FAAH2: variants seen among roughly 807,000 people sequenced by gnomAD.
FAAH2 encodes the protein fatty-acid amide hydrolase 2.
FAAH2 carries 60 observed loss-of-function variants against 36.9 expected under a neutral mutation model. The ratio of observed to expected loss-of-function variants is 1.63; its 90% CI spans 1.32 to 2.02. The LOEUF (loss-of-function observed/expected upper bound fraction) is 2.02, where lower values mean the gene tolerates loss of function less well. Among genes scored for constraint, FAAH2 ranks in the 30% most tolerant of loss-of-function variants. The probability of loss-of-function intolerance (pLI) is 0.00; values close to 1 mark genes in which losing one functional copy is unlikely to be tolerated. For synonymous variants in FAAH2, 214 were observed against 143.8 expected, an observed-to-expected ratio of 1.49 and a Z score of -3.49; for missense variants, 689 against 397.5, an observed-to-expected ratio of 1.73 and a Z score of -6.23.
In FAAH2 at chrX:57,448,617, A is replaced by G; in HGVS notation, c.1322A>G (p.Asp441Gly). The G allele has an allele frequency of 5.8e-6, 7 of 1,211,521 alleles. No homozygotes were observed. The highest frequency in any genetic ancestry group is 7.8e-6 in the Non-Finnish European group (7 of 895,277). ...GAAAGCCTGCGTAAAGAGCTGGTGG[A>G]TATGCTAGGTGATGATGGTGTGTTC... ...VEESLRKELV[D>G]MLGDDGVFLY... Residue 441 changes from aspartate (D) to glycine (G), a missense_variant, in exon 10 of 11, where the codon GAT (aspartate) becomes GGT (glycine). Physicochemically the swap from Asp to Gly is moderately conservative, Grantham distance 94 (BLOSUM62 -1). Coordinates refer to ENST00000374900, the MANE Select transcript of FAAH2 (RefSeq NM_174912.4).
At chrX:57,165,142 T>G in the FAAH2 span, among the ~76,000 whole-genome samples, 1 of 112,503 alleles carries the variant, frequency 8.9e-6, no homozygotes, top group African/African-American at 3.2e-5. Flanking sequence ...CGATTCCTCA[T>G]GGATCTAGAA....
At chrX:57,215,196 CAACA>C in the FAAH2 span, among the ~76,000 whole-genome samples, 1 of 109,173 alleles carries the variant, frequency 9.2e-6, no homozygotes, top group Admixed American at 9.7e-5. Flanking sequence ...TTTATGTGAC[CAACA>C]AACATATGAA....
chrX:57,295,501 C>A (rs1004249341), intron 2 of FAAH2, among the ~76,000 whole-genome samples: 1 of 112,035 alleles, frequency 8.9e-6, no homozygotes, highest in African/African-American at 3.2e-5. Flanking sequence ...CGAATAGGAA[C>A]AACTCCAGTC....
chrX:57,482,557 C>T (rs2057398789), intron 10 of FAAH2, among the ~76,000 whole-genome samples: 1 of 110,186 alleles, frequency 9.1e-6, no homozygotes, highest in Admixed American at 9.8e-5. Context: ...GCTCACCCTC[C>T]TGTGGGTTGG....
chrX:57,443,665 A>G (rs1033119859), intron 8 of FAAH2, among the ~76,000 whole-genome samples: 3 of 112,053 alleles, frequency 2.7e-5, no homozygotes, highest in African/African-American at 9.7e-5. Context: ...GAGGAGCTGC[A>G]TTCCTTTGGA....
chrX:57,383,227 A>G (rs1195762440), intron 7 of FAAH2, among the ~76,000 whole-genome samples: 1 of 112,109 alleles, frequency 8.9e-6, no homozygotes, highest in African/African-American at 3.2e-5. Flanking sequence ...ATCATACTGA[A>G]TGGCAAAAAC....
intron 3 of FAAH2, among the ~76,000 whole-genome samples, chrX:57,313,888 A>G: frequency 9.0e-6 from 1 of 111,345 alleles, no homozygotes; most frequent in Non-Finnish European, 1.9e-5. Context: ...CTTGAATAAA[A>G]TCACACATAT....
chrX:57,260,840 A>C, the FAAH2 span, among the ~76,000 whole-genome samples: 2 of 111,438 alleles, frequency 1.8e-5, no homozygotes, highest in African/African-American at 6.5e-5. Flanking sequence ...TTAAAATTTT[A>C]ATATGATAAT....
chrX:57,479,063 A>T (rs2057326983), intron 10 of FAAH2, among the ~76,000 whole-genome samples: 1 of 111,626 alleles, frequency 9.0e-6, no homozygotes, highest in Non-Finnish European at 1.9e-5. Context: ...CAATGAATGT[A>T]TAAATGACCT....
intron 4 of FAAH2, among the ~76,000 whole-genome samples, chrX:57,333,840 A>G (rs1161491426): frequency 1.8e-5 from 2 of 111,968 alleles, no homozygotes; most frequent in Admixed American, 9.5e-5. Flanking sequence ...AGATTTTAAG[A>G]AACAGCAATA....
At chrX:57,186,319 G>A in the FAAH2 span, among the ~76,000 whole-genome samples, 41 of 111,976 alleles carry the variant, frequency 3.7e-4, no homozygotes, top group African/African-American at 1.2e-3. Context: ...TCTAATGACC[G>A]GTGGTGATGA....
chrX:57,391,108 T>C (rs1040624437), intron 7 of FAAH2, among the ~76,000 whole-genome samples: 3 of 110,829 alleles, frequency 2.7e-5, no homozygotes, highest in Admixed American at 9.5e-5. Flanking sequence ...TTTTTTTTTG[T>C]AGCTAATTGC....
chrX:57,311,349 G>A (rs1436936844), intron 3 of FAAH2, among the ~76,000 whole-genome samples: 1 of 112,369 alleles, frequency 8.9e-6, no homozygotes, highest in Non-Finnish European at 1.9e-5. Context: ...CTGAAGCCTG[G>A]CCTTAAATGG....
the FAAH2 span, among the ~76,000 whole-genome samples, chrX:57,129,052 T>C: frequency 2.7e-5 from 3 of 111,948 alleles, no homozygotes; most frequent in Admixed American, 9.5e-5. Flanking sequence ...CATAAAGACT[T>C]TGAAGTGGAA....
At chrX:57,474,938 C>G (rs2057237507) in intron 10 of FAAH2, among the ~76,000 whole-genome samples, 1 of 111,865 alleles carries the variant, frequency 8.9e-6, no homozygotes, top group Non-Finnish European at 1.9e-5. Context: ...TTGTGTTTTT[C>G]TAATGACCAG....
At chrX:57,395,152 G>C in intron 7 of FAAH2, 3 of 536,053 alleles carry the variant, frequency 5.6e-6, no homozygotes, top group Non-Finnish European at 1.0e-5. Context: ...TTCATTCAAA[G>C]ATATGATGTA....
intron 5 of FAAH2, among the ~76,000 whole-genome samples, chrX:57,365,760 A>G (rs749193222): frequency 1.3e-4 from 14 of 111,408 alleles, no homozygotes; most frequent in Non-Finnish European, 2.3e-4. Context: ...TTTTTTCTCT[A>G]TTCTTCACCA....
intron 4 of FAAH2, 101 bp from the exon 5 acceptor site, chrX:57,341,170 C>T (rs2053676577): frequency 8.0e-6 from 7 of 875,387 alleles, no homozygotes; most frequent in Non-Finnish European, 1.1e-5. Flanking sequence ...CACTTTGGAT[C>T]TAAAGACACA....
intron 5 of FAAH2, among the ~76,000 whole-genome samples, chrX:57,370,934 G>T (rs2054534781): frequency 1.8e-5 from 2 of 111,101 alleles, no homozygotes; most frequent in Admixed American, 1.9e-4. Context: ...AAAAAGTTTG[G>T]GGATCACTGC....
Sources: gnomAD v4.1 joint callset for allele counts (sites outside exome capture counted in the v4.1 genomes callset) on GRCh38, gnomAD v4.1.1 for gene constraint, MANE v1.5 for transcripts, NCBI Gene and HGNC (gene_info 2026-07-23, HGNC 2026-07-21) for gene names.